ERAP1: variants seen among roughly 807,000 people sequenced by gnomAD.
ERAP1 encodes endoplasmic reticulum aminopeptidase 1, also known as adipocyte-derived leucine aminopeptidase.
In ERAP1, 86 loss-of-function variants were observed where a neutral mutation model predicts 103.7. The observed-to-expected ratio is 0.83, with a 90% CI of 0.70 to 0.99. The LOEUF is 0.99. Among genes scored for constraint, ERAP1 ranks in the 50% least tolerant of loss-of-function variants. The pLI is 0.00. For synonymous variants in ERAP1, 398 were observed against 402.4 expected, an observed-to-expected ratio of 0.99 and a Z score of 0.13; for missense variants, 1,009 against 1,128.4, an observed-to-expected ratio of 0.89 and a Z score of 1.52.
At chr5:96,851,555 T>TGC in the ERAP1 span, among the ~76,000 whole-genome samples, 1 of 152,208 alleles carries the variant, frequency 6.6e-6, no homozygotes, top group Middle Eastern at 3.2e-3. Flanking sequence ...TCTGGTTTCT[T>TGC]TCTTTTCCCA....
At chr5:96,906,265 C>G in the ERAP1 span, among the ~76,000 whole-genome samples, 1 of 151,758 alleles carries the variant, frequency 6.6e-6, no homozygotes, top group Non-Finnish European at 1.5e-5. Flanking sequence ...TCTTCCTCTT[C>G]TTCTTCTTCA....
intron 13 of ERAP1, chr5:96,785,412 T>A: frequency 3.1e-6 from 1 of 327,370 alleles, no homozygotes; most frequent in Non-Finnish European, 6.0e-6. Context: ...AAGGCTGTTA[T>A]AAAGACCCAG....
chr5:96,917,729 A>AC, the ERAP1 span: 1 of 651,076 alleles, frequency 1.5e-6, no homozygotes, highest in South Asian at 2.3e-5. Flanking sequence ...ACACGGTGAG[A>AC]CCCCGTCTCC....
chr5:96,827,381 G>T, the ERAP1 span, among the ~76,000 whole-genome samples: 1 of 152,174 alleles, frequency 6.6e-6, no homozygotes, highest in Non-Finnish European at 1.5e-5. Flanking sequence ...AAAAATATAG[G>T]CTGGGCGCGA....
In ERAP1 at chr5:96,788,521, G is replaced by A. The variant is rs1163531269; in HGVS notation, c.1679+10C>T. ...AGACAACAAAACAAATTTTACTCTA[G>A]GAGCATTACCCAGTGTCCGGGGCGC... On this transcript the variant is annotated intron_variant, in intron 11 of 18. Coordinates refer to ENST00000443439, the MANE Select transcript of ERAP1 (RefSeq NM_001040458.3). 1.2e-6 allele frequency: 2 copies of A among 1,613,878 alleles called. No homozygotes were observed. The highest frequency in any genetic ancestry group is 1.7e-5 in the Admixed American group (1 of 60,008).
the ERAP1 span, among the ~76,000 whole-genome samples, chr5:96,847,156 G>A: frequency 3.3e-5 from 5 of 150,418 alleles, no homozygotes; most frequent in African/African-American, 1.2e-4. Context: ...GCTGAGGCAG[G>A]AGAATCGCTT....
chr5:96,793,672 G>A (rs975650164), intron 6 of ERAP1, 131 bp downstream of exon 6: 10 of 1,119,638 alleles, frequency 8.9e-6, no homozygotes, highest in African/African-American at 3.2e-5. Context: ...ACATAAAAAC[G>A]AATGCTTTGG....
chr5:96,788,122 T>C (rs929494854), intron 11 of ERAP1, among the ~76,000 whole-genome samples: 10 of 152,122 alleles, frequency 6.6e-5, no homozygotes, highest in Non-Finnish European at 1.3e-4. Flanking sequence ...GTTCCAAATC[T>C]AACTCAGAAG....
the ERAP1 span, among the ~76,000 whole-genome samples, chr5:96,895,699 G>A: frequency 6.6e-6 from 1 of 152,144 alleles, no homozygotes; most frequent in East Asian, 1.9e-4. Flanking sequence ...GAGAGTTCTC[G>A]GCATGTAACC....
chr5:96,780,542 C>T, intron 17 of ERAP1, 38 bp from the exon 18 acceptor site: 1 of 1,480,452 alleles, frequency 6.8e-7, no homozygotes, highest in Non-Finnish European at 9.4e-7. Context: ...TTGTGAAATA[C>T]TTATTCATTT....
rs563590135 is a variant in ERAP1 at position 96,790,591 on chromosome 5, T to A, written c.1373A>T (p.Lys458Ile). ...CTGGAGATACTGTACAATACCACTT[T>A]TAAATGCGTCAGCACTAAGATACTC... ...LREYLSADAF[K>I]SGIVQYLQKH... is the part of the protein sequence containing the mutation. The change falls in exon 9 of 19, where the codon AAA becomes ATA. Residue 458 changes from lysine (K) to isoleucine (I), a missense_variant. Transcript: ENST00000443439. The A allele has an allele frequency of 2.5e-6, 4 of 1,612,852 alleles. No individual in the cohort carries two copies. The South Asian group carries it at 4.4e-5, about 18-fold the overall frequency.
chr5:96,816,834 A>C, the ERAP1 span, among the ~76,000 whole-genome samples: 1 of 152,186 alleles, frequency 6.6e-6, no homozygotes, highest in South Asian at 2.1e-4. Context: ...CCTTTTGCTT[A>C]ATAAATTTTA....
At chr5:96,768,124 C>A in intron 19 of ERAP1, 1 of 723,302 alleles carries the variant, frequency 1.4e-6, no homozygotes, top group Non-Finnish European at 2.4e-6. Flanking sequence ...TACTCTATAG[C>A]CCAGGCTGGA....
the ERAP1 span, among the ~76,000 whole-genome samples, chr5:96,837,920 T>A: frequency 6.6e-6 from 1 of 152,092 alleles, no homozygotes; most frequent in Non-Finnish European, 1.5e-5. Context: ...AACTACGCCA[T>A]CAAGCCGTCC....
At chr5:96,861,205 T>C in the ERAP1 span, among the ~76,000 whole-genome samples, 123 of 152,346 alleles carry the variant, frequency 8.1e-4, no homozygotes, top group African/African-American at 2.8e-3. Context: ...GTGCCTCTGA[T>C]CTGCTGGTCT....
the ERAP1 span, among the ~76,000 whole-genome samples, chr5:96,849,897 G>A: frequency 2.0e-5 from 3 of 152,036 alleles, no homozygotes; most frequent in Non-Finnish European, 4.4e-5. Context: ...CATGGTACTG[G>A]CATAAAAGCA....
intron 1 of ERAP1, chr5:96,806,102 C>CA (rs1252933908): frequency 6.6e-6 from 1 of 152,194 alleles, no homozygotes; most frequent in Non-Finnish European, 1.5e-5. Flanking sequence ...TTATTAATCC[C>CA]AAACTGTAGG....
the ERAP1 span, among the ~76,000 whole-genome samples, chr5:96,878,770 A>G: frequency 3.9e-5 from 6 of 152,130 alleles, no homozygotes; most frequent in Admixed American, 2.6e-4. Context: ...TCTACTAAAA[A>G]TACAAAAATT....
At chr5:96,892,273 C>T in the ERAP1 span, 1 of 1,611,818 alleles carries the variant, frequency 6.2e-7, no homozygotes, top group Non-Finnish European at 8.5e-7. Flanking sequence ...CCATAAAACT[C>T]AAGTATGGTT....
Sources: allele counts gnomAD v4.1 joint callset (sites outside exome capture counted in the v4.1 genomes callset), GRCh38; gene constraint gnomAD v4.1.1; transcripts MANE v1.5; gene names NCBI Gene and HGNC (gene_info 2026-07-23, HGNC 2026-07-21).